MCTP1: variants seen among roughly 807,000 people sequenced by gnomAD.
The protein encoded by MCTP1 is multiple C2 and transmembrane domain containing 1.
MCTP1 carries 69 observed loss-of-function variants against 120.6 expected under a neutral mutation model. The observed-to-expected ratio is 0.57, with a 90% confidence interval of 0.47 to 0.70. MCTP1 has a LOEUF of 0.70. MCTP1 is among the 30% of genes least tolerant of loss of function. The pLI, the probability that MCTP1 is intolerant of heterozygous loss-of-function variation, is 0.00. For synonymous variants in MCTP1, 529 were observed against 493.1 expected, an observed-to-expected ratio of 1.07 and a Z score of -0.96; for missense variants, 1,203 against 1,248.8, an observed-to-expected ratio of 0.96 and a Z score of 0.55.
chr5:94,971,127 T>C, intron 2 of MCTP1, among the ~76,000 whole-genome samples: 1 of 152,138 alleles, frequency 6.6e-6, no homozygotes, highest in African/African-American at 2.4e-5. Context: ...TTAGGCTCTG[T>C]TGTATACAGT....
chr5:95,031,204 T>C (rs1423902777), intron 1 of MCTP1, among the ~76,000 whole-genome samples: 2 of 151,864 alleles, frequency 1.3e-5, no homozygotes, highest in Non-Finnish European at 2.9e-5. Context: ...CTCAGAAAAC[T>C]TATTTCAGGG....
chr5:94,832,889 G>A (rs1788877148), intron 17 of MCTP1, among the ~76,000 whole-genome samples: 2 of 152,196 alleles, frequency 1.3e-5, no homozygotes, highest in African/African-American at 4.8e-5. Flanking sequence ...GCTGCAAGGG[G>A]CTTGTTTGCC....
At chr5:95,019,382 A>G (rs1446061466) in intron 1 of MCTP1, among the ~76,000 whole-genome samples, 1 of 152,018 alleles carries the variant, frequency 6.6e-6, no homozygotes, top group Non-Finnish European at 1.5e-5. Flanking sequence ...CTCATCTTAC[A>G]GCTGAAAGTC....
intron 17 of MCTP1, among the ~76,000 whole-genome samples, chr5:94,805,306 T>G (rs1028261975): frequency 5.3e-5 from 8 of 151,416 alleles, no homozygotes; most frequent in South Asian, 2.1e-4. Flanking sequence ...AGAATGAGGG[T>G]TTTTTTTTGA....
intron 3 of MCTP1, among the ~76,000 whole-genome samples, chr5:94,945,780 C>G (rs572652737): frequency 4.7e-4 from 72 of 152,158 alleles, no homozygotes; most frequent in Non-Finnish European, 8.5e-4. Flanking sequence ...GAGGTGTTTC[C>G]CCATGATGGG....
chr5:94,947,251 T>C (rs1819178737), intron 3 of MCTP1, among the ~76,000 whole-genome samples: 1 of 152,022 alleles, frequency 6.6e-6, no homozygotes, highest in African/African-American at 2.4e-5. Flanking sequence ...CCAGCCCCAG[T>C]ATTGGGGAAA....
At chr5:95,149,186 T>C (rs1192170899) in intron 1 of MCTP1, among the ~76,000 whole-genome samples, 5 of 152,234 alleles carry the variant, frequency 3.3e-5, no homozygotes, top group Admixed American at 6.5e-5. Context: ...TTAGGTGTTA[T>C]AGGCTTAGGA....
At chr5:94,849,008 T>C (rs1419439961) in intron 17 of MCTP1, among the ~76,000 whole-genome samples, 1 of 151,962 alleles carries the variant, frequency 6.6e-6, no homozygotes, top group Admixed American at 6.6e-5. Flanking sequence ...AAATATGATC[T>C]TCCATATTAA....
At chr5:94,828,387 C>A (rs772717929) in intron 17 of MCTP1, among the ~76,000 whole-genome samples, 1 of 152,184 alleles carries the variant, frequency 6.6e-6, no homozygotes, top group Non-Finnish European at 1.5e-5. Flanking sequence ...AGGCGTCTGT[C>A]GACCTGTGAT....
chr5:94,811,678 C>T (rs930407576), intron 17 of MCTP1, among the ~76,000 whole-genome samples: 2 of 152,122 alleles, frequency 1.3e-5, no homozygotes, highest in African/African-American at 4.8e-5. Context: ...GTGTTGATGC[C>T]CGATGGCTCA....
At chr5:94,838,037 A>G in intron 17 of MCTP1, among the ~76,000 whole-genome samples, 1 of 152,178 alleles carries the variant, frequency 6.6e-6, no homozygotes, top group East Asian at 1.9e-4. Flanking sequence ...TTTTGGAAAT[A>G]CACCTGTTTC....
chr5:94,981,690 G>A (rs1275033248), intron 2 of MCTP1, among the ~76,000 whole-genome samples: 1 of 152,132 alleles, frequency 6.6e-6, no homozygotes, highest in Non-Finnish European at 1.5e-5. Flanking sequence ...GGTGTGGAGA[G>A]AAAGCCTCAC....
At chr5:95,103,955 C>G (rs1221006590) in intron 1 of MCTP1, among the ~76,000 whole-genome samples, 1 of 152,064 alleles carries the variant, frequency 6.6e-6, no homozygotes, top group Admixed American at 6.6e-5. Flanking sequence ...AATTATGACC[C>G]CAGTGCCTGT....
chr5:95,262,336 CACCTTCT>C (rs1758539226), intron 1 of MCTP1, among the ~76,000 whole-genome samples: 2 of 152,206 alleles, frequency 1.3e-5, no homozygotes, highest in Non-Finnish European at 2.9e-5. Flanking sequence ...ACCAAGCCAG[CACCTTCT>C]ACCCATGGCT....
intron 17 of MCTP1, among the ~76,000 whole-genome samples, chr5:94,809,999 TTTC>T (rs1783098669): frequency 6.6e-6 from 1 of 152,102 alleles, no homozygotes; most frequent in African/African-American, 2.4e-5. Context: ...TGTTTTAGCT[TTTC>T]TTCTTCTTAT....
intron 1 of MCTP1, among the ~76,000 whole-genome samples, chr5:95,254,798 C>G (rs1194311387): frequency 6.6e-6 from 1 of 152,182 alleles, no homozygotes; most frequent in African/African-American, 2.4e-5. Flanking sequence ...GACACTTCCA[C>G]TCACCAGTTC....
rs759724077 is a variant in MCTP1 at position 94,940,100 on chromosome 5, CCTT to C, written c.1154_1156del (p.Glu385del). On this transcript the variant is annotated inframe_deletion, in exon 5 of 23. Coordinates refer to ENST00000515393, the MANE Select transcript of MCTP1 (RefSeq NM_024717.7). ...GGAACTTACCACATCCCTGGACTCT[CCTT>C]CTTTAGGGGTAAGGATGACTGAGAG... 5 of 1,602,888 alleles carry C rather than the reference CCTT, an allele frequency of 3.1e-6. No homozygotes were observed. Among genetic ancestry groups the C allele is most frequent in the Non-Finnish European group, 4.3e-6 (5 of 1,171,592 alleles).
At chr5:95,213,176 C>G (rs185432081) in intron 1 of MCTP1, among the ~76,000 whole-genome samples, 1 of 152,234 alleles carries the variant, frequency 6.6e-6, no homozygotes, top group East Asian at 1.9e-4. Flanking sequence ...TCTCAGGATA[C>G]AAAATCAGTG....
chr5:95,169,049 C>G (rs189371575), intron 1 of MCTP1, among the ~76,000 whole-genome samples: 2 of 152,012 alleles, frequency 1.3e-5, no homozygotes, highest in Non-Finnish European at 2.9e-5. Flanking sequence ...ATAAATAGCT[C>G]TTATTATTTT....
Sources: gnomAD v4.1 joint callset for allele counts (sites outside exome capture counted in the v4.1 genomes callset) on GRCh38, gnomAD v4.1.1 for gene constraint, MANE v1.5 for transcripts, NCBI Gene and HGNC (gene_info 2026-07-23, HGNC 2026-07-21) for gene names.